WHAMM: variants seen among roughly 807,000 people sequenced by gnomAD.
WHAMM encodes the protein WASP homolog-associated protein with actin, membranes and microtubules.
Under a neutral mutation model 76.5 loss-of-function variants are expected in WHAMM, and 67 were observed. The ratio of observed to expected loss-of-function variants is 0.88; its 90% CI spans 0.72 to 1.07. WHAMM has a LOEUF of 1.07. Among genes scored for constraint, WHAMM ranks in the 50% least tolerant of loss-of-function variants. The pLI, the probability that WHAMM is intolerant of heterozygous loss-of-function variation, is 0.00. For synonymous variants in WHAMM, 419 were observed against 422.1 expected (o/e 0.99, Z 0.09); for missense variants, 1,021 against 1,051.1 (o/e 0.97, Z 0.40).
At chr15:82,811,149 T>C (rs1297434350) in intron 1 of WHAMM, among the ~76,000 whole-genome samples, 2 of 152,216 alleles carry the variant, frequency 1.3e-5, no homozygotes, top group Admixed American at 1.3e-4. Context: ...AGAATAAGCT[T>C]TCCAAATTAA....
intron 1 of WHAMM, 55 bp downstream of exon 1, chr15:82,810,390 G>A: frequency 8.0e-7 from 1 of 1,247,804 alleles, no homozygotes; most frequent in East Asian, 3.3e-5. Context: ...CTGGGACACT[G>A]TGGGAGGCTC....
intron 1 of WHAMM, chr15:82,810,676 C>T: frequency 1.0e-6 from 1 of 985,424 alleles, no homozygotes; most frequent in Non-Finnish European, 1.2e-6. Context: ...TGAAAACAAC[C>T]CATCCATGTA....
chr15:82,826,502 T>C lies in WHAMM; in HGVS notation c.1545+6T>C. On this transcript the variant is annotated splice_donor_region_variant and intron_variant, in intron 7 of 9. Coordinates refer to ENST00000286760, the MANE Select transcript of WHAMM (RefSeq NM_001080435.3). ...AGCATCACAGTATTCAGATGGTGAG[T>C]CTCCTCCGAAGGAAAATGTTCTATG... The C allele has an allele frequency of 6.2e-7, 1 of 1,611,958 alleles. No homozygotes were observed. The highest frequency in any genetic ancestry group is 1.7e-5 in the Admixed American group (1 of 59,996).
At position 82,833,911 on chromosome 15, in the gene WHAMM, T is replaced by G. The variant is rs779790353; in HGVS notation, c.*375T>G. ...CCACCACCTTGCCCAACTAATTTTT[T>G]GTATTTTTTAGTAGAGACGAGGTTT... On this transcript the variant is annotated 3_prime_UTR_variant, in exon 10 of 10. Transcript: ENST00000286760. 63 of 192,330 alleles carry G rather than the reference T, an allele frequency of 3.3e-4. No homozygotes were observed. The highest frequency in any genetic ancestry group is 5.5e-4 in the Non-Finnish European group (50 of 91,102). 11.9% of individuals were successfully genotyped at this position (192,330 alleles called of 1,614,324 possible).
At position 82,835,692 on chromosome 15, in the gene WHAMM, C is replaced by T. The variant is rs962459173; in HGVS notation, c.*2156C>T. Reference sequence around the variant, plus strand: ...GGCCAAGCCCTGACTCTGCACTGGCCCCTGTACCTGCCGCTCCCACCCAGG... The same window carrying T: ...GGCCAAGCCCTGACTCTGCACTGGCTCCTGTACCTGCCGCTCCCACCCAGG... On this transcript the variant is annotated 3_prime_UTR_variant, in exon 10 of 10. Transcript: ENST00000286760. 1 of 152,380 alleles carries T rather than the reference C, an allele frequency of 6.6e-6. No individual in the cohort carries two copies. Among genetic ancestry groups the T allele is most frequent in the Non-Finnish European group, 1.5e-5 (1 of 68,170 alleles). 9.4% of individuals were successfully genotyped at this position (152,380 alleles called of 1,614,324 possible).
At position 82,810,217 on chromosome 15, in the gene WHAMM, C is replaced by T. The variant is rs1348586064; in HGVS notation, c.491C>T (p.Thr164Ile). ...GCGGCCGACGGCTGCGGCGGCGCCA[C>T]AGTGCGCGACGCACTCTTCCCGGCT... ...GAAADGCGGA[T>I]VRDALFPAEG... The change falls in exon 1 of 10, where the codon ACA (threonine) becomes ATA (isoleucine). Residue 164 changes from threonine (T) to isoleucine (I), a missense_variant. Transcript: ENST00000286760. The T allele has an allele frequency of 1.8e-5, 25 of 1,412,660 alleles. No individual in the cohort carries two copies. The highest frequency in any genetic ancestry group is 2.6e-4 in the Middle Eastern group (1 of 3,878). 87.5% of individuals were successfully genotyped at this position (1,412,660 alleles called of 1,614,324 possible).
rs1464703371 is a variant in WHAMM at position 82,830,651 on chromosome 15, C to T, written c.1694C>T (p.Pro565Leu). 6.2e-7 allele frequency: 1 copy of T among 1,613,830 alleles called. No individual in the cohort carries two copies. Among genetic ancestry groups the T allele is most frequent in the African/African-American group, 1.3e-5 (1 of 74,908 alleles). The change falls in exon 9 of 10, where the codon CCA becomes CTA. Residue 565 changes from proline (P) to leucine (L), a missense_variant. By Grantham distance (98) the Pro-to-Leu change is moderately conservative. Transcript: ENST00000286760. The part of the protein sequence containing the change: ...RNTSGSEPVA[P>L]NLPSDLSQQM... The stretch of plus-strand genomic sequence containing the variant: ...ACCTCTGGCTCAGAACCTGTGGCTC[C>T]AAACCTGCCAAGTGATCTTTCCCAG...
chr15:82,827,275 G>A (rs1237682125), intron 8 of WHAMM, among the ~76,000 whole-genome samples: 3 of 152,036 alleles, frequency 2.0e-5, no homozygotes, highest in Non-Finnish European at 4.4e-5. Context: ...GTAAAATTTA[G>A]TGGGTTTTTT....
At position 82,810,043 on chromosome 15, in the gene WHAMM, C is replaced by T. The variant is rs1455124105; in HGVS notation, c.317C>T (p.Pro106Leu). ...ALWPPLERCFPRLPPELDVGG... is the reference protein window; with the variant it reads ...ALWPPLERCFLRLPPELDVGG... ...TGGCCGCCTCTGGAGCGCTGCTTCC[C>T]GCGGCTGCCGCCGGAGCTGGACGTG... The change falls in exon 1 of 10, where the codon CCG becomes CTG. Residue 106 changes from proline (P) to leucine (L), a missense_variant. Physicochemically the swap from Pro to Leu is moderately conservative, Grantham distance 98. Around this residue, in one of 3 missense-constraint regions of WHAMM, gnomAD observed 501 missense variants for 524.9 expected, o/e 0.95. Transcript: ENST00000286760. 1 of 1,219,632 alleles carries T rather than the reference C, an allele frequency of 8.2e-7. No individual in the cohort carries two copies. Among genetic ancestry groups the T allele is most frequent in the Non-Finnish European group, 1.0e-6 (1 of 983,466 alleles). The allele number at this position is 1,219,632 out of a possible 1,614,324, so 75.6% of individuals were successfully genotyped here.
At chr15:82,812,672 T>C (rs1200198155) in intron 1 of WHAMM, among the ~76,000 whole-genome samples, 1 of 152,218 alleles carries the variant, frequency 6.6e-6, no homozygotes, top group Non-Finnish European at 1.5e-5. Context: ...CTTTGCACTC[T>C]GCCTCTCCAT....
Position 82,810,340 on chromosome 15 carries a change from G to T in WHAMM, c.609+5G>T. ...GCGGACGCGCGGCTGCGCCAGGTAA[G>T]CGAGGCCCGGTCGCCGGCGTTCGTC... On this transcript the variant is annotated splice_donor_5th_base_variant and intron_variant, in intron 1 of 9. Coordinates refer to ENST00000286760, the MANE Select transcript of WHAMM (RefSeq NM_001080435.3). 7.7e-7 allele frequency: 1 copy of T among 1,307,010 alleles called. No homozygotes were observed. Among genetic ancestry groups the T allele is most frequent in the Non-Finnish European group, 9.7e-7 (1 of 1,032,890 alleles). The allele number at this position is 1,307,010 out of a possible 1,614,324, so 81.0% of individuals were successfully genotyped here.
At position 82,819,391 on chromosome 15, in the gene WHAMM, A is replaced by C. The variant is rs2050781684; in HGVS notation, c.1173A>C (p.Glu391Asp). ...ATGAATTAGAAATACAATTTTATGA[A>C]ATTCAATTAGAACTATATGAAGTTA... is the stretch of plus-strand genomic sequence containing the variant. Reference protein sequence around the residue: ...VVDELEIQFYEIQLELYEVKF... With the variant: ...VVDELEIQFYDIQLELYEVKF... Residue 391 changes from glutamate (E) to aspartate (D), a missense_variant, in exon 5 of 10, where the codon GAA (glutamate) becomes GAC (aspartate). Physicochemically the swap from Glu to Asp is conservative, Grantham distance 45 (BLOSUM62 2). This residue lies in a region of WHAMM where 11 missense variants were observed against 34.0 expected (regional missense o/e 0.32). Transcript: ENST00000286760. The C allele has an allele frequency of 3.4e-6, 4 of 1,191,340 alleles. No homozygotes were observed. The East Asian group carries it at 1.2e-4, about 37-fold the overall frequency. The allele number at this position is 1,191,340 out of a possible 1,614,324, so 73.8% of individuals were successfully genotyped here. A position where few individuals can be genotyped will look rare whatever the true frequency, so the allele number is the denominator to read the frequency against.
intron 6 of WHAMM, among the ~76,000 whole-genome samples, chr15:82,823,521 A>G (rs533603676): frequency 2.0e-5 from 3 of 152,078 alleles, no homozygotes; most frequent in Non-Finnish European, 2.9e-5. Context: ...TATTCATTCA[A>G]CAACTATTTG....
Position 82,817,277 on chromosome 15 carries a change from T to G in WHAMM, c.934+435T>G, listed in dbSNP as rs73445088. On this transcript the variant is annotated intron_variant, in intron 3 of 9. Coordinates refer to ENST00000286760, the MANE Select transcript of WHAMM (RefSeq NM_001080435.3). ...TGAGGGAAGTTGGCAAATTAGGAGC[T>G]TAAAGAAAACCTGCGGGGCTGGATC... Among the ~76,000 whole-genome samples the G allele has an allele frequency of 9.0e-3, 1,367 of 152,240 alleles. 23 individuals are homozygous for G. Among genetic ancestry groups the G allele is most frequent in the African/African-American group, 0.032 (1,329 of 41,520 alleles).
chr15:82,824,615 CT>C (rs1231079255), intron 6 of WHAMM, among the ~76,000 whole-genome samples: 1 of 151,806 alleles, frequency 6.6e-6, no homozygotes, highest in East Asian at 1.9e-4. Context: ...GTCACAGCGC[CT>C]GGCCACACCC....
chr15:82,822,627 G>A (rs1285595701), intron 5 of WHAMM, among the ~76,000 whole-genome samples: 19 of 152,216 alleles, frequency 1.2e-4, no homozygotes, highest in African/African-American at 4.1e-4. Context: ...TAGTAGAGAC[G>A]GGGTTTTGCC....
intron 3 of WHAMM, among the ~76,000 whole-genome samples, chr15:82,817,188 G>A (rs1156282160): frequency 6.6e-6 from 1 of 152,178 alleles, no homozygotes; most frequent in Non-Finnish European, 1.5e-5. Context: ...TGGAAGTTGA[G>A]AGAAAATAAA....
Position 82,830,745 on chromosome 15 carries a change from T to A in WHAMM, c.1788T>A (p.Val596=). 6.2e-7 allele frequency: 1 copy of A among 1,613,968 alleles called. No individual in the cohort carries two copies. Among genetic ancestry groups the A allele is most frequent in the Non-Finnish European group, 8.5e-7 (1 of 1,179,866 alleles). Reference sequence around the variant, plus strand: ...CGTCCTCTAGGAAAACTAGAGGTGTTCCCCTATCGGAAGCTGGTAATGTGA... The same window carrying A: ...CGTCCTCTAGGAAAACTAGAGGTGTACCCCTATCGGAAGCTGGTAATGTGA... ...IHPSSRKTRG[V]PLSEAGNVKS... is the part of the protein sequence containing the mutation. Residue 596 remains valine, a synonymous_variant, in exon 9 of 10, where the codon GTT becomes GTA. Coordinates refer to ENST00000286760, the MANE Select transcript of WHAMM (RefSeq NM_001080435.3).
At position 82,826,588 on chromosome 15, in the gene WHAMM, C is replaced by T. The variant is rs1485204070; in HGVS notation, c.1545+92C>T. On this transcript the variant is annotated intron_variant, in intron 7 of 9. Transcript: ENST00000286760. Reference sequence around the variant, plus strand: ...AAACTGGAGTTGCGCTGCCCTGGACCTGCAGCTGTCAGCCATTAGCCTCCA... The same window carrying T: ...AAACTGGAGTTGCGCTGCCCTGGACTTGCAGCTGTCAGCCATTAGCCTCCA... 7 of 1,580,720 alleles carry T rather than the reference C, an allele frequency of 4.4e-6. No individual in the cohort carries two copies. In the East Asian group the frequency reaches 1.3e-4, roughly 30 times the overall value.
Sources: gnomAD v4.1 joint callset for allele counts (sites outside exome capture counted in the v4.1 genomes callset) on GRCh38, gnomAD v4.1.1 for gene constraint, gnomAD v4.1.1 regional missense constraint, MANE v1.5 for transcripts, NCBI Gene and HGNC (gene_info 2026-07-23, HGNC 2026-07-21) for gene names.